The following RNF146 variants were observed in gnomAD, a reference collection of about 807,000 sequenced individuals.
RNF146 encodes the protein ring finger protein 146.
Under a neutral mutation model 29.7 loss-of-function variants are expected in RNF146, and 11 were observed. The ratio of observed to expected loss-of-function variants is 0.37; its 90% confidence interval spans 0.23 to 0.61. RNF146 has a LOEUF of 0.61. Ranked by LOEUF, RNF146 falls within the 20% of genes least tolerant of loss-of-function variation. The pLI is 0.66. For synonymous variants in RNF146, 150 were observed against 159.7 expected, an observed-to-expected ratio of 0.94 and a Z score of 0.46; for missense variants, 342 against 438.9, an observed-to-expected ratio of 0.78 and a Z score of 1.97.
Position 127,287,816 on chromosome 6 carries a change from A to G in RNF146, c.*123A>G, listed in dbSNP as rs570586734. 1 of 649,248 alleles carries G rather than the reference A, an allele frequency of 1.5e-6. No individual in the cohort carries two copies. Among genetic ancestry groups the G allele is most frequent in the Non-Finnish European group, 2.8e-6 (1 of 359,978 alleles). The allele number at this position is 649,248 out of a possible 1,614,324, so 40.2% of individuals were successfully genotyped here. ...AGTTGGGGTGGGAAGGGGTATGGGA[A>G]GGATAGACTCATAATTAAAATGTCT... On this transcript the variant is annotated 3_prime_UTR_variant, in exon 3 of 3. Coordinates refer to ENST00000368314, the MANE Select transcript of RNF146 (RefSeq NM_001242850.2).
At position 127,286,974 on chromosome 6, in the gene RNF146, A is replaced by T; in HGVS notation, c.361A>T (p.Thr121Ser). The change falls in exon 3 of 3, where the codon ACT (threonine) becomes TCT (serine). Residue 121 changes from threonine (T) to serine (S), a missense_variant. By Grantham distance (58) the Thr-to-Ser change is moderately conservative. Around this residue, in one of 6 missense-constraint regions of RNF146, gnomAD observed 50 missense variants for 54.9 expected, o/e 0.91. Transcript: ENST00000368314. The surrounding 1 kb of genome is among the most constrained non-coding windows in gnomAD (Gnocchi z 4.6). ...RNGWWQYDER[T>S]SRELEDAFSK... Reference sequence around the variant, plus strand: ...TGGGTGGTGGCAGTACGATGAGCGCACTAGTAGAGAGCTGGAAGATGCTTT... The same window carrying T: ...TGGGTGGTGGCAGTACGATGAGCGCTCTAGTAGAGAGCTGGAAGATGCTTT... 1 of 1,613,462 alleles carries T rather than the reference A, an allele frequency of 6.2e-7. No individual in the cohort carries two copies. The highest frequency in any genetic ancestry group is 8.5e-7 in the Non-Finnish European group (1 of 1,179,618).
chr6:127,275,250 A>G (rs1041791791), intron 1 of RNF146, among the ~76,000 whole-genome samples: 1 of 152,172 alleles, frequency 6.6e-6, no homozygotes, highest in African/African-American at 2.4e-5. Flanking sequence ...ATAGCTGGGT[A>G]AATGATTTGC....
chr6:127,284,875 A>AT (rs552974208), intron 2 of RNF146, among the ~76,000 whole-genome samples: 184 of 147,440 alleles, frequency 1.2e-3, no homozygotes, highest in African/African-American at 3.7e-3. Context: ...ACATTATGTG[A>AT]TTTTTTTTTT....
At chr6:127,269,509 T>C (rs1777152792) in intron 1 of RNF146, among the ~76,000 whole-genome samples, 1 of 152,186 alleles carries the variant, frequency 6.6e-6, no homozygotes, top group South Asian at 2.1e-4. Flanking sequence ...TTTAATGGGC[T>C]AGTATAAAGA....
intron 1 of RNF146, among the ~76,000 whole-genome samples, chr6:127,275,445 T>C (rs1256675158): frequency 6.6e-6 from 1 of 152,138 alleles, no homozygotes; most frequent in Non-Finnish European, 1.5e-5. Context: ...CCTTTGATAT[T>C]CTGTTCCTCA....
chr6:127,279,542 T>G (rs1292302218), intron 1 of RNF146, among the ~76,000 whole-genome samples: 1 of 147,752 alleles, frequency 6.8e-6, no homozygotes, highest in Non-Finnish European at 1.5e-5. Context: ...GTTTTGACAT[T>G]GGATTTTTCA....
In RNF146 at chr6:127,286,978, G is replaced by A. The variant is rs376317250; in HGVS notation, c.365G>A (p.Ser122Asn). The A allele has an allele frequency of 3.1e-6, 5 of 1,613,326 alleles. No individual in the cohort carries two copies. In the African/African-American group the frequency reaches 5.3e-5, roughly 17 times the overall value. The change falls in exon 3 of 3, where the codon AGT (serine) becomes AAT (asparagine). Residue 122 changes from serine (S) to asparagine (N), a missense_variant. Ser to Asn is a conservative substitution (Grantham distance 46). Transcript: ENST00000368314. The surrounding 1 kb of genome is among the most constrained non-coding windows in gnomAD (Gnocchi z 4.6). ...NGWWQYDERT[S>N]RELEDAFSKG... ...TGGTGGCAGTACGATGAGCGCACTAGTAGAGAGCTGGAAGATGCTTTTTCC... is the reference window on the plus strand; with the variant it reads ...TGGTGGCAGTACGATGAGCGCACTAATAGAGAGCTGGAAGATGCTTTTTCC...
chr6:127,280,474 C>T (rs1352071175), intron 2 of RNF146, 134 bp downstream of exon 2: 14 of 1,307,208 alleles, frequency 1.1e-5, no homozygotes, highest in Non-Finnish European at 1.4e-5. Context: ...CTTATAGGTG[C>T]TTTATTAACA....
In RNF146 at chr6:127,287,776, G is replaced by A; in HGVS notation, c.*83G>A. 2.4e-6 allele frequency: 2 copies of A among 848,596 alleles called. No individual in the cohort carries two copies. The highest frequency in any genetic ancestry group is 3.4e-5 in the South Asian group (2 of 58,530). 52.6% of individuals were successfully genotyped at this position (848,596 alleles called of 1,614,324 possible). A position where few individuals can be genotyped will look rare whatever the true frequency, so the allele number is the denominator to read the frequency against. On this transcript the variant is annotated 3_prime_UTR_variant, in exon 3 of 3. Transcript: ENST00000368314. ...CCACATAACATTATACTCATCCCTA[G>A]TAGTGCATTTTGGGAGTTGGGGTGG...
Position 127,287,641 on chromosome 6 carries a change from T to A in RNF146, c.1028T>A (p.Val343Asp). The change falls in exon 3 of 3, where the codon GTC (valine) becomes GAC (aspartate). Residue 343 changes from valine (V) to aspartate (D), a missense_variant. Physicochemically the swap from Val to Asp is radical, Grantham distance 152. Coordinates refer to ENST00000368314, the MANE Select transcript of RNF146 (RefSeq NM_001242850.2). ...GTAGCAGGGGGTGGAACAGTGAGTGTCAGTGTCAGATCTAGAAGGCCTGAT... is the reference window on the plus strand; with the variant it reads ...GTAGCAGGGGGTGGAACAGTGAGTGACAGTGTCAGATCTAGAAGGCCTGAT... ...RSVAGGGTVS[V>D]SVRSRRPDGQ... 2 of 1,609,778 alleles carry A rather than the reference T, an allele frequency of 1.2e-6. No homozygotes were observed. Among genetic ancestry groups the A allele is most frequent in the Non-Finnish European group, 1.7e-6 (2 of 1,177,268 alleles).
At position 127,284,706 on chromosome 6, in the gene RNF146, A is replaced by C. The variant is rs561022094; in HGVS notation, c.3-1910A>C. Among the ~76,000 whole-genome samples the C allele has an allele frequency of 8.0e-4, 122 of 152,064 alleles. No individual in the cohort carries two copies. In the Middle Eastern group the frequency reaches 0.017, roughly 21 times the overall value. On this transcript the variant is annotated intron_variant, in intron 2 of 2. Coordinates refer to ENST00000368314, the MANE Select transcript of RNF146 (RefSeq NM_001242850.2). ...TTCAAGTTACAAGATCTTTGAAGGC[A>C]AGTGTTTATCTCAAAATATTTGAAA...
At chr6:127,275,663 G>A (rs565436907) in intron 1 of RNF146, among the ~76,000 whole-genome samples, 1 of 152,182 alleles carries the variant, frequency 6.6e-6, no homozygotes, top group South Asian at 2.1e-4. Context: ...ACAAAACATA[G>A]AGGAGAGAAC....
chr6:127,279,724 C>G (rs1279525863), intron 1 of RNF146, among the ~76,000 whole-genome samples: 1 of 151,788 alleles, frequency 6.6e-6, no homozygotes, highest in Non-Finnish European at 1.5e-5. Flanking sequence ...CCATACATCA[C>G]TTGTCTATTT....
chr6:127,280,226 TGCAG>T lies in RNF146; in HGVS notation c.-108-4_-108-1del, dbSNP rs1778752534. The T allele has an allele frequency of 2.2e-5, 22 of 1,003,962 alleles. No homozygotes were observed. The highest frequency in any genetic ancestry group is 1.8e-4 in the Admixed American group (8 of 44,680). The allele number at this position is 1,003,962 out of a possible 1,614,324, so 62.2% of individuals were successfully genotyped here. The stretch of plus-strand genomic sequence containing the variant: ...GATCTTAATTACTCTTTTTTTCTTT[TGCAG>T]CACAAAGAATGAACCAGCAGTGGAA... On this transcript the variant is annotated splice_acceptor_variant and splice_polypyrimidine_tract_variant and intron_variant, in intron 1 of 2. Coordinates refer to ENST00000368314, the MANE Select transcript of RNF146 (RefSeq NM_001242850.2). LOFTEE classifies it low-confidence loss of function (5UTR_SPLICE).
At position 127,280,285 on chromosome 6, in the gene RNF146, G is replaced by A; in HGVS notation, c.-54G>A. On this transcript the variant is annotated 5_prime_UTR_variant, in exon 2 of 3. It introduces an in-frame stop codon into an upstream open reading frame of the 5' UTR. Transcript: ENST00000368314. ...AAATACTGTAAGCTGGCTGACTGCT[G>A]GTGAAGAAAATGCTTTATTTTTGTG... 6.5e-7 allele frequency: 1 copy of A among 1,540,178 alleles called. No homozygotes were observed. The highest frequency in any genetic ancestry group is 1.4e-5 in the African/African-American group (1 of 72,790).
rs1376270531 is a variant in RNF146, at chr6:127,287,533, C to T, written c.920C>T (p.Ser307Phe). 6.2e-7 allele frequency: 1 copy of T among 1,613,154 alleles called. No individual in the cohort carries two copies. Among genetic ancestry groups the T allele is most frequent in the East Asian group, 2.2e-5 (1 of 44,820 alleles). ...EDVSAVVAQH[S>F]LTQQRLLVSN... ...GTATCTGCAGTTGTTGCACAGCACT[C>T]CTTGACCCAACAGAGACTTTTGGTT... Residue 307 changes from serine (S) to phenylalanine (F), a missense_variant, in exon 3 of 3, where the codon TCC becomes TTC. Ser to Phe is a radical substitution (Grantham distance 155). Transcript: ENST00000368314.
intron 1 of RNF146, among the ~76,000 whole-genome samples, chr6:127,270,613 T>C (rs1215941872): frequency 1.3e-5 from 2 of 152,202 alleles, no homozygotes; most frequent in African/African-American, 4.8e-5. Flanking sequence ...ATGTATGCCC[T>C]ATTTTGTGCC....
chr6:127,269,262 A>C (rs535533655), intron 1 of RNF146, among the ~76,000 whole-genome samples: 1 of 152,336 alleles, frequency 6.6e-6, no homozygotes, highest in East Asian at 1.9e-4. Context: ...AAGCATTTAG[A>C]ACTTAGAATT....
chr6:127,281,851 C>A (rs1778952285), intron 2 of RNF146, among the ~76,000 whole-genome samples: 1 of 151,430 alleles, frequency 6.6e-6, no homozygotes, highest in Admixed American at 6.6e-5. Context: ...GCTTTGTAAA[C>A]AAGTAGCAGT....
Sources: allele counts gnomAD v4.1 joint callset (sites outside exome capture counted in the v4.1 genomes callset), GRCh38; gene constraint gnomAD v4.1.1; regional missense constraint gnomAD v4.1.1; non-coding constraint Gnocchi (gnomAD v3.1); transcripts MANE v1.5; gene names NCBI Gene and HGNC (gene_info 2026-07-23, HGNC 2026-07-21).